TRPS1: variants seen among roughly 807,000 people sequenced by gnomAD.
The protein encoded by TRPS1 is zinc finger transcription factor Trps1.
TRPS1 carries 6 observed loss-of-function variants against 101.2 expected under a neutral mutation model. The observed-to-expected ratio is 0.06, with a 90% CI of 0.03 to 0.12. TRPS1 has a LOEUF of 0.12. TRPS1 is among the 10% of genes least tolerant of loss of function. TRPS1 has a pLI of 1.00. For missense variants in TRPS1, 1,363 were observed against 1,567.0 expected, an observed-to-expected ratio of 0.87 and a Z score of 2.20; for synonymous variants, 578 against 589.8, an observed-to-expected ratio of 0.98 and a Z score of 0.29.
chr8:115,561,470 GT>G (rs11390151), intron 5 of TRPS1, among the ~76,000 whole-genome samples: 5,468 of 146,842 alleles, frequency 0.037, 361 homozygotes, highest in African/African-American at 0.12. Flanking sequence ...TTAATCTTGT[GT>G]TTTTTTTTTT....
intron 5 of TRPS1, among the ~76,000 whole-genome samples, chr8:115,564,847 C>G (rs1320292530): frequency 6.6e-6 from 1 of 151,994 alleles, no homozygotes; most frequent in Non-Finnish European, 1.5e-5. Context: ...GGCCACCATC[C>G]ACACTCATGG....
At chr8:115,646,913 T>A (rs1453863582) in intron 1 of TRPS1, among the ~76,000 whole-genome samples, 1 of 152,178 alleles carries the variant, frequency 6.6e-6, no homozygotes, top group Non-Finnish European at 1.5e-5. Context: ...CAACTCATGT[T>A]ATCAACTGAA....
chr8:115,549,989 G>C (rs1462042050), intron 5 of TRPS1, among the ~76,000 whole-genome samples: 1 of 152,202 alleles, frequency 6.6e-6, no homozygotes, highest in Non-Finnish European at 1.5e-5. Context: ...ACCCACGTGG[G>C]TGGATCACCT....
chr8:115,469,273 AAT>A (rs1814404626), intron 5 of TRPS1, among the ~76,000 whole-genome samples: 1 of 152,210 alleles, frequency 6.6e-6, no homozygotes, highest in South Asian at 2.1e-4. Context: ...CTTGATCTGC[AAT>A]ATGTTTGGCA....
At chr8:115,620,648 T>C (rs899897604) in intron 2 of TRPS1, among the ~76,000 whole-genome samples, 1 of 152,218 alleles carries the variant, frequency 6.6e-6, no homozygotes, top group Non-Finnish European at 1.5e-5. Context: ...GAAACAGCTA[T>C]GTTATAAACA....
At chr8:115,574,006 C>A (rs1817264029) in intron 5 of TRPS1, among the ~76,000 whole-genome samples, 1 of 152,146 alleles carries the variant, frequency 6.6e-6, no homozygotes, top group South Asian at 2.1e-4. Flanking sequence ...TCATTCTCGT[C>A]TCCCTTCACC....
intron 5 of TRPS1, among the ~76,000 whole-genome samples, chr8:115,534,175 A>T (rs1816222791): frequency 6.6e-6 from 1 of 152,030 alleles, no homozygotes; most frequent in African/African-American, 2.4e-5. Flanking sequence ...TGAAGATCTA[A>T]CCCTAATACC....
chr8:115,592,542 C>A (rs547037808), intron 4 of TRPS1, among the ~76,000 whole-genome samples: 163 of 152,140 alleles, frequency 1.1e-3, no homozygotes, highest in Non-Finnish European at 2.0e-3. Flanking sequence ...GCAGAAAAGG[C>A]AATTTGCTAT....
At chr8:115,491,949 A>T (rs147996907) in intron 5 of TRPS1, among the ~76,000 whole-genome samples, 1 of 152,188 alleles carries the variant, frequency 6.6e-6, no homozygotes. Flanking sequence ...TATCCTAGGG[A>T]TATGGCTTTT....
intron 5 of TRPS1, among the ~76,000 whole-genome samples, chr8:115,467,504 T>A (rs1814354461): frequency 6.6e-6 from 1 of 152,150 alleles, no homozygotes; most frequent in South Asian, 2.1e-4. Flanking sequence ...TCTGAACTTT[T>A]CTGTGATTTG....
At chr8:115,524,927 T>C (rs539816332) in intron 5 of TRPS1, among the ~76,000 whole-genome samples, 3 of 152,190 alleles carry the variant, frequency 2.0e-5, no homozygotes, top group Non-Finnish European at 4.4e-5. Context: ...GTATAATTTC[T>C]TGAACTTTTA....
chr8:115,452,104 T>G (rs554098331), intron 5 of TRPS1, among the ~76,000 whole-genome samples: 2 of 152,342 alleles, frequency 1.3e-5, no homozygotes, highest in Non-Finnish European at 1.5e-5. Flanking sequence ...TTAACAAGTG[T>G]GAGTTATCAG....
At chr8:115,470,630 C>T (rs764241995) in intron 5 of TRPS1, among the ~76,000 whole-genome samples, 61 of 151,894 alleles carry the variant, frequency 4.0e-4, no homozygotes, top group African/African-American at 9.9e-4. Flanking sequence ...TAATCTTAGC[C>T]GCAGAAATGG....
rs76534763 is a variant in TRPS1, at chr8:115,624,302, G to A, written c.-121-544C>T. ...TATGAATTGCCATTTTAGATGATGGGCTAAAAGTGAAGTTGAGAAAGAGGA... is the reference window on the plus strand; with the variant it reads ...TATGAATTGCCATTTTAGATGATGGACTAAAAGTGAAGTTGAGAAAGAGGA... On this transcript the variant is annotated intron_variant, in intron 1 of 6. Transcript: ENST00000395715. 9.3e-3 allele frequency among the ~76,000 whole-genome samples: 1,414 copies of A among 152,024 alleles called. 19 individuals carry two copies. The highest frequency in any genetic ancestry group is 0.032 in the African/African-American group (1,343 of 41,518).
At chr8:115,644,865 C>G (rs1375081809) in intron 1 of TRPS1, among the ~76,000 whole-genome samples, 3 of 151,976 alleles carry the variant, frequency 2.0e-5, no homozygotes, top group African/African-American at 4.8e-5. Context: ...CAACGAGCAC[C>G]AGAGAGACAA....
At chr8:115,464,121 T>C (rs916732156) in intron 5 of TRPS1, among the ~76,000 whole-genome samples, 1 of 152,160 alleles carries the variant, frequency 6.6e-6, no homozygotes, top group African/African-American at 2.4e-5. Context: ...TGATTTTTTT[T>C]TGCATTTCAA....
intron 5 of TRPS1, among the ~76,000 whole-genome samples, chr8:115,566,077 C>T (rs2130382086): frequency 6.6e-6 from 1 of 152,072 alleles, no homozygotes; most frequent in East Asian, 1.9e-4. Context: ...GAAAACTGTA[C>T]ATATTGAATT....
At chr8:115,554,538 T>C (rs1490659748) in intron 5 of TRPS1, among the ~76,000 whole-genome samples, 1 of 152,148 alleles carries the variant, frequency 6.6e-6, no homozygotes, top group African/African-American at 2.4e-5. Context: ...TGCTTCATTC[T>C]CAAACTTTAA....
chr8:115,481,541 T>C (rs894879189), intron 5 of TRPS1, among the ~76,000 whole-genome samples: 4 of 152,170 alleles, frequency 2.6e-5, no homozygotes, highest in Non-Finnish European at 4.4e-5. Context: ...CATCTAACTG[T>C]ACCAGATCAT....
Sources: allele counts gnomAD v4.1 joint callset (sites outside exome capture counted in the v4.1 genomes callset), GRCh38; gene constraint gnomAD v4.1.1; transcripts MANE v1.5; gene names NCBI Gene and HGNC (gene_info 2026-07-23, HGNC 2026-07-21).